Variants in SFXN5 observed in about 807,000 individuals in gnomAD.
SFXN5 encodes sideroflexin-5.
Under a neutral mutation model 50.2 loss-of-function variants are expected in SFXN5, and 43 were observed. That is an observed-to-expected ratio of 0.86 (90% CI 0.67 to 1.11). SFXN5 has a LOEUF of 1.11. Among genes scored for constraint, SFXN5 ranks in the 50% least tolerant of loss-of-function variants. The pLI, the probability that SFXN5 is intolerant of heterozygous loss-of-function variation, is 0.00. For synonymous variants in SFXN5, 203 were observed against 185.8 expected (o/e 1.09, Z -0.75); for missense variants, 463 against 454.1 (o/e 1.02, Z -0.18).
At chr2:73,001,340 G>C (rs1422012623) in intron 7 of SFXN5, among the ~76,000 whole-genome samples, 185 bp downstream of exon 7, 1 of 152,226 alleles carries the variant, frequency 6.6e-6, no homozygotes, top group African/African-American at 2.4e-5. Flanking sequence ...TGGGCTGCTG[G>C]AGACCTGCTC....
rs931343950 is a variant in SFXN5 at position 72,968,382 on chromosome 2, C to A, written c.827+66G>T. On this transcript the variant is annotated intron_variant, in intron 12 of 13. Coordinates refer to ENST00000272433, the MANE Select transcript of SFXN5 (RefSeq NM_144579.3). ...CCCCTCATCTCTTGCCTGGGCCAGC[C>A]GGTTCCCCCTCCCTCTCCCCCTCCT... is the stretch of plus-strand genomic sequence containing the variant. The A allele has an allele frequency of 5.4e-6, 8 of 1,484,460 alleles. No individual in the cohort carries two copies. The African/African-American group carries it at 6.9e-5, about 13-fold the overall frequency. 92.0% of individuals were successfully genotyped at this position (1,484,460 alleles called of 1,614,324 possible).
chr2:72,992,705 G>A lies in SFXN5; in HGVS notation c.535-4357C>T, dbSNP rs1042872428. Among the ~76,000 whole-genome samples, 8 of 152,194 alleles carry A rather than the reference G, an allele frequency of 5.3e-5. No homozygotes were observed. Among genetic ancestry groups the A allele is most frequent in the African/African-American group, 1.9e-4 (8 of 41,448 alleles). ...TCTCCCTGCTCCCAACACTCAGCAC[G>A]CAGCCTCTGTCCCTGGATGACAGTG... On this transcript the variant is annotated intron_variant, in intron 9 of 13. Transcript: ENST00000272433. The surrounding 1 kb of genome is among the most constrained non-coding windows in gnomAD (Gnocchi z 4.5).
intron 12 of SFXN5, among the ~76,000 whole-genome samples, chr2:72,964,929 G>A: frequency 6.6e-6 from 1 of 152,228 alleles, no homozygotes; most frequent in Non-Finnish European, 1.5e-5. Flanking sequence ...GATACGGAAG[G>A]GGGGAAGGGA....
At position 72,942,169 on chromosome 2, in the gene SFXN5, A is replaced by ACTCT. The variant is rs919432625; in HGVS notation, c.*2849_*2852dup. 24 of 152,076 alleles carry ACTCT rather than the reference A, an allele frequency of 1.6e-4. No homozygotes were observed. Among genetic ancestry groups the ACTCT allele is most frequent in the African/African-American group, 5.1e-4 (21 of 41,402 alleles). 9.4% of individuals were successfully genotyped at this position (152,076 alleles called of 1,614,324 possible). On this transcript the variant is annotated 3_prime_UTR_variant, in exon 14 of 14. Coordinates refer to ENST00000272433, the MANE Select transcript of SFXN5 (RefSeq NM_144579.3). Reference sequence around the variant, plus strand: ...GCTGAGGCTTGCGTGCGGGGGCCTCACTCTCACTGGGCCAGGCTTGAAGAC... The same window carrying ACTCT: ...GCTGAGGCTTGCGTGCGGGGGCCTCACTCTCTCTCACTGGGCCAGGCTTGAAGAC...
At chr2:73,055,702 C>T (rs542213314) in intron 2 of SFXN5, among the ~76,000 whole-genome samples, 23 of 151,908 alleles carry the variant, frequency 1.5e-4, no homozygotes, top group Non-Finnish European at 2.2e-4. Flanking sequence ...CTGCAAGCTC[C>T]GCCTCCCAAG....
intron 3 of SFXN5, among the ~76,000 whole-genome samples, chr2:73,024,273 C>T (rs1354725515): frequency 4.6e-5 from 7 of 152,124 alleles, no homozygotes; most frequent in Non-Finnish European, 1.0e-4. Context: ...CTGCCCACCT[C>T]GGCCTCCCAA....
intron 2 of SFXN5, among the ~76,000 whole-genome samples, chr2:73,052,343 TGTGTGTGTGTGTATGC>T (rs1681449247): frequency 7.5e-6 from 1 of 133,040 alleles, no homozygotes; most frequent in Non-Finnish European, 1.5e-5. Context: ...AGAGAGAGTG[TGTGTGTGTGTGTATGC>T]GTGTGTGTGT....
intron 8 of SFXN5, 39 bp downstream of exon 8, chr2:73,000,392 C>T (rs758638981): frequency 1.3e-6 from 2 of 1,548,238 alleles, no homozygotes; most frequent in Non-Finnish European, 1.7e-6. Context: ...GCCTCCCTAG[C>T]CTGAACCCCA....
intron 5 of SFXN5, among the ~76,000 whole-genome samples, chr2:73,021,939 G>A (rs976392045): frequency 1.3e-5 from 2 of 152,198 alleles, no homozygotes; most frequent in African/African-American, 4.8e-5. Flanking sequence ...TGACCAGTGG[G>A]ATTTCCTGGG....
rs571495401 is a variant in SFXN5 at position 73,008,666 on chromosome 2, C to T, written c.358-7088G>A. ...CGTGTATAAGAAGCAACCACGCTGGCGGGTTTTTTCTGGAAAGATACCTGA... is the reference window on the plus strand; with the variant it reads ...CGTGTATAAGAAGCAACCACGCTGGTGGGTTTTTTCTGGAAAGATACCTGA... On this transcript the variant is annotated intron_variant, in intron 6 of 13. Coordinates refer to ENST00000272433, the MANE Select transcript of SFXN5 (RefSeq NM_144579.3). Among the ~76,000 whole-genome samples, 206 of 152,260 alleles carry T rather than the reference C, an allele frequency of 1.4e-3. 2 individuals are homozygous for T. The highest frequency in any genetic ancestry group is 2.8e-4 in the Non-Finnish European group (19 of 68,000).
intron 6 of SFXN5, among the ~76,000 whole-genome samples, chr2:73,007,020 G>A (rs969417744): frequency 3.9e-5 from 6 of 152,226 alleles, no homozygotes; most frequent in African/African-American, 4.8e-5. Context: ...CTCCTTCAGA[G>A]TATTCTAACT....
chr2:73,055,381 C>T (rs1681951830), intron 2 of SFXN5, among the ~76,000 whole-genome samples: 1 of 152,196 alleles, frequency 6.6e-6, no homozygotes, highest in Non-Finnish European at 1.5e-5. Flanking sequence ...TCCAGTCTGT[C>T]CTTTTCTTTG....
At chr2:72,949,886 G>A (rs1237306467) in intron 13 of SFXN5, among the ~76,000 whole-genome samples, 1 of 152,074 alleles carries the variant, frequency 6.6e-6, no homozygotes, top group African/African-American at 2.4e-5. Context: ...GAGCTGGGGT[G>A]GCTGGTGACG....
At chr2:73,047,246 ATAT>A (rs1471096565) in intron 2 of SFXN5, among the ~76,000 whole-genome samples, 29 of 25,450 alleles carry the variant, frequency 1.1e-3, no homozygotes, top group Non-Finnish European at 1.3e-3. Context: ...AAAAAAAAAA[ATAT>A]ATATATATAT....
At chr2:73,058,491 A>C in intron 2 of SFXN5, 37 bp downstream of exon 2, 1 of 1,591,396 alleles carries the variant, frequency 6.3e-7, no homozygotes, top group South Asian at 1.1e-5. Flanking sequence ...CAAGGTACAA[A>C]GGCCCAAGGG....
chr2:73,059,924 T>C (rs777638802), intron 1 of SFXN5: 2 of 949,652 alleles, frequency 2.1e-6, no homozygotes, highest in South Asian at 9.7e-5. Context: ...CAAAGGTGGA[T>C]GGTTAAATAA....
chr2:73,013,565 C>T (rs1675805930), intron 6 of SFXN5, among the ~76,000 whole-genome samples: 1 of 151,922 alleles, frequency 6.6e-6, no homozygotes, highest in Non-Finnish European at 1.5e-5. Flanking sequence ...CTTGCACATA[C>T]ACACAATTAT....
chr2:73,068,255 C>G (rs1351171614), intron 1 of SFXN5, among the ~76,000 whole-genome samples: 1 of 152,154 alleles, frequency 6.6e-6, no homozygotes, highest in Non-Finnish European at 1.5e-5. Context: ...GGGAATGAAC[C>G]CTGGATTATC....
intron 9 of SFXN5, among the ~76,000 whole-genome samples, chr2:72,993,046 C>T (rs1026636631): frequency 1.3e-5 from 2 of 152,150 alleles, no homozygotes; most frequent in Admixed American, 6.5e-5. Context: ...AGGTTGTCTG[C>T]GGGGTACTCA....
Sources: gnomAD v4.1 joint callset for allele counts (sites outside exome capture counted in the v4.1 genomes callset) on GRCh38, gnomAD v4.1.1 for gene constraint, Gnocchi (gnomAD v3.1) non-coding constraint, MANE v1.5 for transcripts, NCBI Gene and HGNC (gene_info 2026-07-23, HGNC 2026-07-21) for gene names.